LRRC4C: variants seen among roughly 807,000 people sequenced by gnomAD.
LRRC4C encodes leucine-rich repeat-containing protein 4C.
A neutral mutation model predicts 33.6 loss-of-function variants in LRRC4C; 5 were observed. The observed-to-expected ratio is 0.15, with a 90% confidence interval of 0.08 to 0.31. The LOEUF is 0.31. LRRC4C is among the 10% of genes least tolerant of loss of function. The pLI is 1.00. For synonymous variants in LRRC4C, 329 were observed against 302.0 expected (o/e 1.09, Z -0.93); for missense variants, 560 against 796.7 (o/e 0.70, Z 3.58).
chr11:41,238,476 G>T (rs1199354942), intron 1 of LRRC4C, among the ~76,000 whole-genome samples: 5 of 152,176 alleles, frequency 3.3e-5, no homozygotes, highest in African/African-American at 1.2e-4. Context: ...AAGATACTCA[G>T]CTTTGGAGAG....
chr11:41,281,374 C>T (rs1054616086), intron 1 of LRRC4C, among the ~76,000 whole-genome samples: 3 of 152,100 alleles, frequency 2.0e-5, no homozygotes, highest in Non-Finnish European at 2.9e-5. Context: ...ATGCAGGCAA[C>T]GTATAAATAT....
chr11:41,005,578 T>C (rs577696399), intron 1 of LRRC4C, among the ~76,000 whole-genome samples: 3 of 152,228 alleles, frequency 2.0e-5, no homozygotes, highest in African/African-American at 7.2e-5. Flanking sequence ...CACTCCAGCC[T>C]GGGTGACAGA....
At chr11:40,229,331 A>T (rs893016911) in intron 5 of LRRC4C, among the ~76,000 whole-genome samples, 1 of 151,988 alleles carries the variant, frequency 6.6e-6, no homozygotes, top group African/African-American at 2.4e-5. Context: ...GGAGTGCAGT[A>T]GCGTGATCTC....
At position 40,212,156 on chromosome 11, in the gene LRRC4C, A is replaced by G. The variant is rs77809329; in HGVS notation, c.-96+29363T>C. On this transcript the variant is annotated intron_variant, in intron 5 of 6. Coordinates refer to ENST00000528697, the MANE Select transcript of LRRC4C (RefSeq NM_001258419.2). Reference sequence around the variant, plus strand: ...TTACCAGATTGAGTAGTAAATGTGGAAACCATGTTTCCACTCAGTAGTAAT... The same window carrying G: ...TTACCAGATTGAGTAGTAAATGTGGGAACCATGTTTCCACTCAGTAGTAAT... Among the ~76,000 whole-genome samples, 1,048 of 152,306 alleles carry G rather than the reference A, an allele frequency of 6.9e-3. 15 individuals carry two copies. The highest frequency in any genetic ancestry group is 0.024 in the African/African-American group (1,003 of 41,566).
chr11:40,160,507 G>T (rs1859066038), intron 5 of LRRC4C, among the ~76,000 whole-genome samples: 2 of 152,102 alleles, frequency 1.3e-5, no homozygotes, highest in Admixed American at 1.3e-4. Context: ...AAGCCATGAA[G>T]ATATATAAGA....
chr11:41,142,738 A>G (rs1943563448), intron 1 of LRRC4C, among the ~76,000 whole-genome samples: 1 of 152,198 alleles, frequency 6.6e-6, no homozygotes, highest in African/African-American at 2.4e-5. Flanking sequence ...AAAGTGCTCT[A>G]TGTTTTGATG....
intron 1 of LRRC4C, among the ~76,000 whole-genome samples, chr11:41,340,539 G>T (rs1044082841): frequency 3.3e-5 from 5 of 152,110 alleles, no homozygotes; most frequent in African/African-American, 1.2e-4. Flanking sequence ...TAATAGATTA[G>T]TAAAAGAGGA....
intron 3 of LRRC4C, among the ~76,000 whole-genome samples, chr11:40,624,807 A>G (rs185416723): frequency 1.3e-5 from 2 of 152,186 alleles, no homozygotes; most frequent in Non-Finnish European, 2.9e-5. Context: ...CCTTAATATC[A>G]GTAAACCATA....
At chr11:40,781,751 G>C (rs1950219205) in intron 2 of LRRC4C, among the ~76,000 whole-genome samples, 1 of 152,144 alleles carries the variant, frequency 6.6e-6, no homozygotes, top group African/African-American at 2.4e-5. Context: ...CATCTATGCT[G>C]AAAATCCTGT....
Position 41,403,725 on chromosome 11 carries a change from C to G in LRRC4C, c.-496+55706G>C, listed in dbSNP as rs182447691. Among the ~76,000 whole-genome samples, 13 of 152,112 alleles carry G rather than the reference C, an allele frequency of 8.5e-5. No individual in the cohort carries two copies. The East Asian group carries it at 1.9e-3, about 23-fold the overall frequency. On this transcript the variant is annotated intron_variant, in intron 1 of 6. Transcript: ENST00000528697. Reference sequence around the variant, plus strand: ...ACAACATGGAAATTAACACATAACACGAGGGCTGATTTTTGTCTTCTCTCC... The same window carrying G: ...ACAACATGGAAATTAACACATAACAGGAGGGCTGATTTTTGTCTTCTCTCC...
intron 3 of LRRC4C, among the ~76,000 whole-genome samples, chr11:40,433,759 C>G (rs1294696394): frequency 1.3e-5 from 2 of 152,012 alleles, no homozygotes; most frequent in Non-Finnish European, 2.9e-5. Context: ...AGGAAGTAGT[C>G]CAAGGACTTA....
At chr11:40,719,512 G>A (rs927046818) in intron 2 of LRRC4C, among the ~76,000 whole-genome samples, 10 of 152,168 alleles carry the variant, frequency 6.6e-5, no homozygotes, top group African/African-American at 2.4e-4. Flanking sequence ...AAGAGGCACA[G>A]AATGAGAAAT....
chr11:41,319,568 G>A (rs1950894752), intron 1 of LRRC4C, among the ~76,000 whole-genome samples: 1 of 152,162 alleles, frequency 6.6e-6, no homozygotes, highest in South Asian at 2.1e-4. Context: ...GTTGAGACAA[G>A]ATCTCACTCT....
chr11:40,523,040 A>G (rs560355452), intron 3 of LRRC4C, among the ~76,000 whole-genome samples: 6 of 152,176 alleles, frequency 3.9e-5, no homozygotes, highest in Non-Finnish European at 8.8e-5. Context: ...CCTGCTTTCA[A>G]TTATTTTCGT....
intron 1 of LRRC4C, among the ~76,000 whole-genome samples, chr11:41,383,767 G>C (rs1238298476): frequency 6.6e-6 from 1 of 151,542 alleles, no homozygotes; most frequent in Non-Finnish European, 1.5e-5. Context: ...GCCAACAAAT[G>C]TAAATTAACT....
intron 2 of LRRC4C, among the ~76,000 whole-genome samples, chr11:40,844,245 A>T (rs1042657225): frequency 2.1e-4 from 26 of 122,596 alleles, no homozygotes; most frequent in African/African-American, 7.5e-4. Context: ...TAATAAAAAA[A>T]AAAAATACAA....
chr11:40,980,373 A>G (rs1251252315), intron 1 of LRRC4C, among the ~76,000 whole-genome samples: 3 of 152,220 alleles, frequency 2.0e-5, no homozygotes, highest in Admixed American at 1.3e-4. Flanking sequence ...AGAAGGCAAC[A>G]TGTAGTATAG....
chr11:40,732,816 T>G (rs1947658994), intron 2 of LRRC4C, among the ~76,000 whole-genome samples: 1 of 152,192 alleles, frequency 6.6e-6, no homozygotes, highest in Non-Finnish European at 1.5e-5. Context: ...GTATGCCAAG[T>G]ACTTACTACT....
intron 1 of LRRC4C, among the ~76,000 whole-genome samples, chr11:41,122,246 T>C (rs1590664203): frequency 6.6e-6 from 1 of 152,138 alleles, no homozygotes; most frequent in East Asian, 1.9e-4. Context: ...CTCTTCAAAA[T>C]ACAATAGGGT....
Sources: allele counts gnomAD v4.1 joint callset (sites outside exome capture counted in the v4.1 genomes callset), GRCh38; gene constraint gnomAD v4.1.1; transcripts MANE v1.5; gene names NCBI Gene and HGNC (gene_info 2026-07-23, HGNC 2026-07-21).